PLCXD3: variants seen among roughly 807,000 people sequenced by gnomAD.
PLCXD3 encodes phosphatidylinositol specific phospholipase C X domain containing 3, also known as PI-PLC X domain-containing protein 3.
PLCXD3 carries 19 observed loss-of-function variants against 25.5 expected under a neutral mutation model. The observed-to-expected ratio is 0.75, with a 90% CI of 0.52 to 1.09. The LOEUF is 1.09. Among genes scored for constraint, PLCXD3 ranks in the 50% least tolerant of loss-of-function variants. The probability of loss-of-function intolerance (pLI) is 0.00; values close to 1 mark genes in which losing one functional copy is unlikely to be tolerated. For synonymous variants in PLCXD3, 174 were observed against 137.6 expected (o/e 1.26, Z -1.85); for missense variants, 411 against 388.1 (o/e 1.06, Z -0.50).
chr5:41,418,664 A>G (rs111318789), intron 1 of PLCXD3, among the ~76,000 whole-genome samples: 1,703 of 152,238 alleles, frequency 0.011, 27 homozygotes, highest in Non-Finnish European at 0.013. Context: ...GCGGAGTAGT[A>G]TAGGTTCTTG....
At chr5:41,493,157 C>A (rs1320082760) in intron 1 of PLCXD3, among the ~76,000 whole-genome samples, 2 of 152,192 alleles carry the variant, frequency 1.3e-5, no homozygotes, top group Non-Finnish European at 2.9e-5. Flanking sequence ...ACAGACAGAA[C>A]CCTCAGCTGC....
chr5:41,444,155 G>A (rs1747446247), intron 1 of PLCXD3, among the ~76,000 whole-genome samples: 1 of 152,060 alleles, frequency 6.6e-6, no homozygotes, highest in Non-Finnish European at 1.5e-5. Flanking sequence ...TCACAGAATA[G>A]TCATTCTATT....
chr5:41,341,341 T>G (rs1308088627), intron 2 of PLCXD3, among the ~76,000 whole-genome samples: 6 of 152,152 alleles, frequency 3.9e-5, no homozygotes, highest in Non-Finnish European at 8.8e-5. Flanking sequence ...TGACTCCACC[T>G]AAATCACGTC....
intron 1 of PLCXD3, among the ~76,000 whole-genome samples, chr5:41,501,091 T>C (rs541883271): frequency 6.6e-6 from 1 of 152,158 alleles, no homozygotes; most frequent in South Asian, 2.1e-4. Context: ...TTGCAATTCT[T>C]GTACACTGTT....
At chr5:41,352,609 A>G (rs1744495789) in intron 2 of PLCXD3, among the ~76,000 whole-genome samples, 1 of 152,184 alleles carries the variant, frequency 6.6e-6, no homozygotes, top group South Asian at 2.1e-4. Flanking sequence ...CATTACATAA[A>G]CCACCTTTCT....
intron 1 of PLCXD3, among the ~76,000 whole-genome samples, chr5:41,497,431 AAAGAAGG>A (rs1368677499): frequency 2.6e-5 from 4 of 151,836 alleles, no homozygotes; most frequent in Admixed American, 1.3e-4. Flanking sequence ...TGCAAGAGAC[AAAGAAGG>A]GCATTATATG....
intron 1 of PLCXD3, among the ~76,000 whole-genome samples, chr5:41,437,300 T>C (rs1033439993): frequency 6.6e-6 from 1 of 152,206 alleles, no homozygotes; most frequent in African/African-American, 2.4e-5. Flanking sequence ...ATGATGAAGC[T>C]CTGGCCACAA....
At chr5:41,448,233 A>G (rs1332734188) in intron 1 of PLCXD3, among the ~76,000 whole-genome samples, 1 of 152,186 alleles carries the variant, frequency 6.6e-6, no homozygotes, top group Non-Finnish European at 1.5e-5. Flanking sequence ...TGGATCCTGC[A>G]GAGTTGATAC....
intron 1 of PLCXD3, among the ~76,000 whole-genome samples, chr5:41,483,392 A>G (rs1748453894): frequency 6.6e-6 from 1 of 152,178 alleles, no homozygotes; most frequent in African/African-American, 2.4e-5. Context: ...TGGTTCTCCA[A>G]TTAACCAGAA....
intron 2 of PLCXD3, among the ~76,000 whole-genome samples, chr5:41,376,043 G>T (rs550144468): frequency 2.6e-5 from 4 of 152,206 alleles, no homozygotes; most frequent in South Asian, 2.1e-4. Flanking sequence ...GGCACATAAT[G>T]TGGGCTCAAC....
intron 1 of PLCXD3, among the ~76,000 whole-genome samples, chr5:41,398,736 A>T (rs1465544154): frequency 3.3e-5 from 5 of 152,186 alleles, no homozygotes; most frequent in Non-Finnish European, 7.4e-5. Context: ...CATAATAGCC[A>T]TATATGACAG....
At chr5:41,367,519 C>T (rs1273655869) in intron 2 of PLCXD3, among the ~76,000 whole-genome samples, 1 of 151,674 alleles carries the variant, frequency 6.6e-6, no homozygotes, top group African/African-American at 2.4e-5. Flanking sequence ...TGTTTAAGTT[C>T]CTTGTAGATA....
intron 1 of PLCXD3, among the ~76,000 whole-genome samples, chr5:41,501,466 T>G (rs1179221994): frequency 6.6e-6 from 1 of 152,070 alleles, no homozygotes; most frequent in Non-Finnish European, 1.5e-5. Flanking sequence ...ATGATTCCAC[T>G]TAGATGAGGT....
intron 2 of PLCXD3, among the ~76,000 whole-genome samples, chr5:41,380,185 C>T (rs1745415102): frequency 6.6e-6 from 1 of 151,966 alleles, no homozygotes; most frequent in Admixed American, 6.6e-5. Flanking sequence ...TGGTACCTTC[C>T]CCACTTCCTC....
chr5:41,475,499 T>C lies in PLCXD3; in HGVS notation c.103+34925A>G, dbSNP rs969751528. The C allele has an allele frequency of 6.6e-6, 3 of 452,604 alleles. No individual in the cohort carries two copies. In the East Asian group the frequency reaches 1.7e-4, roughly 25 times the overall value. 28.0% of individuals were successfully genotyped at this position (452,604 alleles called of 1,614,324 possible). On this transcript the variant is annotated intron_variant, in intron 1 of 2. Transcript: ENST00000377801. The stretch of plus-strand genomic sequence containing the variant: ...CTGTGAATTCCTGCAAATCCCTGTC[T>C]TTCCCTACCTATCTCTATTTGTCTC...
chr5:41,327,940 G>A (rs567543944), intron 2 of PLCXD3, among the ~76,000 whole-genome samples: 4 of 152,114 alleles, frequency 2.6e-5, no homozygotes, highest in African/African-American at 9.6e-5. Context: ...CAAAGCGCTG[G>A]GATTACAGGC....
Position 41,440,157 on chromosome 5 carries a change from G to T in PLCXD3, c.104-57623C>A, listed in dbSNP as rs532042475. Among the ~76,000 whole-genome samples the T allele has an allele frequency of 5.6e-5, 8 of 141,984 alleles. No homozygotes were observed. In the South Asian group the frequency reaches 1.8e-3, roughly 33 times the overall value. The allele number at this position is 141,984 out of a possible 152,430, so 93.1% of individuals were successfully genotyped here. A position where few individuals can be genotyped will look rare whatever the true frequency, so the allele number is the denominator to read the frequency against. On this transcript the variant is annotated intron_variant, in intron 1 of 2. Transcript: ENST00000377801. ...ATGGGTTCAGATCTTAGCTCCGTCA[G>T]ATCTTAGCTCCGTTACTTATTAGCT...
intron 1 of PLCXD3, among the ~76,000 whole-genome samples, chr5:41,454,407 A>G (rs191960760): frequency 9.2e-5 from 14 of 152,138 alleles, no homozygotes; most frequent in Admixed American, 7.2e-4. Context: ...TCTGGTTCAC[A>G]GATGGCACCT....
At chr5:41,361,163 AG>A (rs1349306366) in intron 2 of PLCXD3, among the ~76,000 whole-genome samples, 1 of 152,036 alleles carries the variant, frequency 6.6e-6, no homozygotes, top group Non-Finnish European at 1.5e-5. Context: ...TGAGTCATAC[AG>A]GTCACCAGGG....
Sources: gnomAD v4.1 joint callset for allele counts (sites outside exome capture counted in the v4.1 genomes callset) on GRCh38, gnomAD v4.1.1 for gene constraint, MANE v1.5 for transcripts, NCBI Gene and HGNC (gene_info 2026-07-23, HGNC 2026-07-21) for gene names.